GSR: variants seen among roughly 807,000 people sequenced by gnomAD.
GSR encodes glutathione-disulfide reductase, also known as glutathione reductase, mitochondrial.
Under a neutral mutation model 56.5 loss-of-function variants are expected in GSR, and 48 were observed. The ratio of observed to expected loss-of-function variants is 0.85; its 90% CI spans 0.67 to 1.08. The LOEUF is 1.08. GSR is among the 50% of genes least tolerant of loss of function. The probability of loss-of-function intolerance (pLI) is 0.00; values close to 1 mark genes in which losing one functional copy is unlikely to be tolerated. For synonymous variants in GSR, 264 were observed against 270.8 expected (o/e 0.97, Z 0.25); for missense variants, 694 against 703.3 (o/e 0.99, Z 0.15).
rs1172403027 is a variant in GSR, at chr8:30,685,988, A to C, written c.1042-1789T>G. 2.1e-5 allele frequency among the ~76,000 whole-genome samples: 3 copies of C among 139,786 alleles called. No homozygotes were observed. The Admixed American group carries it at 2.3e-4, about 11-fold the overall frequency. 91.7% of individuals were successfully genotyped at this position (139,786 alleles called of 152,430 possible). On this transcript the variant is annotated intron_variant, in intron 9 of 12. Transcript: ENST00000221130. ...GCAACAGAAAGAGACTCTGCCTCAA[A>C]AAAAAAAAAAAAAAAAAAAAAAAAA... is the stretch of plus-strand genomic sequence containing the variant.
intron 9 of GSR, among the ~76,000 whole-genome samples, chr8:30,685,924 T>G (rs1480491036): frequency 7.3e-6 from 1 of 136,706 alleles, no homozygotes; most frequent in Non-Finnish European, 1.5e-5. Context: ...GGGGCGGAGA[T>G]TGCAGTAAGC....
chr8:30,684,034 G>A (rs948591073), intron 10 of GSR, 54 bp downstream of exon 10: 65 of 909,806 alleles, frequency 7.1e-5, no homozygotes, highest in Admixed American at 6.4e-4. Context: ...TGAAGAGCCA[G>A]ATGGATCATG....
At chr8:30,700,454 G>A (rs997073312) in intron 5 of GSR, among the ~76,000 whole-genome samples, 51 of 152,160 alleles carry the variant, frequency 3.4e-4, no homozygotes, top group Admixed American at 3.3e-3. Context: ...GAACCCTGGG[G>A]CTCAGCTCAT....
intron 1 of GSR, among the ~76,000 whole-genome samples, chr8:30,725,183 C>T (rs1804682677): frequency 6.6e-6 from 1 of 152,154 alleles, no homozygotes; most frequent in South Asian, 2.1e-4. Flanking sequence ...TGGCTGATGC[C>T]TGTAATCCCA....
intron 7 of GSR, among the ~76,000 whole-genome samples, chr8:30,695,595 G>C (rs1803519393): frequency 6.6e-6 from 1 of 152,132 alleles, no homozygotes; most frequent in Non-Finnish European, 1.5e-5. Context: ...TTTATGTGTA[G>C]TCCAAGACAA....
chr8:30,696,122 A>G (rs1262449223), intron 7 of GSR, among the ~76,000 whole-genome samples: 1 of 152,212 alleles, frequency 6.6e-6, no homozygotes, highest in East Asian at 1.9e-4. Flanking sequence ...ACGTCTCCCT[A>G]TGAGGGCATC....
At chr8:30,693,749 G>A (rs8191002) in intron 7 of GSR, among the ~76,000 whole-genome samples, 13 of 152,076 alleles carry the variant, frequency 8.5e-5, no homozygotes, top group African/African-American at 3.1e-4. Flanking sequence ...GGCTGGCCTC[G>A]AACTCCTGAC....
At chr8:30,716,447 T>C (rs1468175025) in intron 1 of GSR, among the ~76,000 whole-genome samples, 1 of 152,220 alleles carries the variant, frequency 6.6e-6, no homozygotes. Context: ...TTTCCACTGC[T>C]TTTAGAGGCC....
chr8:30,708,367 A>G lies in GSR; in HGVS notation c.423-226T>C, dbSNP rs2551707. Among the ~76,000 whole-genome samples the G allele has an allele frequency of 0.97, 147,327 of 152,318 alleles. 71,437 individuals are homozygous for G. The highest frequency in any genetic ancestry group is 1 in the South Asian group (4,832 of 4,832). On this transcript the variant is annotated intron_variant, in intron 3 of 12. Coordinates refer to ENST00000221130, the MANE Select transcript of GSR (RefSeq NM_000637.5). Reference sequence around the variant, plus strand: ...GTGGAGAACACACTCAGTTGGCATCATCTTTCTGCGCAGAAGACAAGGAGA... The same window carrying G: ...GTGGAGAACACACTCAGTTGGCATCGTCTTTCTGCGCAGAAGACAAGGAGA...
At chr8:30,700,722 CCAAAAAAAAA>C (rs1803705199) in intron 5 of GSR, among the ~76,000 whole-genome samples, 1 of 8,424 alleles carries the variant, frequency 1.2e-4, no homozygotes, top group African/African-American at 1.7e-4. Flanking sequence ...GATTTTGTCT[CCAAAAAAAAA>C]AAAAAAAAAA....
intron 9 of GSR, 116 bp downstream of exon 9, chr8:30,689,045 A>T (rs1803267253): frequency 3.5e-6 from 3 of 858,468 alleles, no homozygotes; most frequent in Non-Finnish European, 5.8e-6. Context: ...AATACATGGG[A>T]AAAAGAGAAA....
intron 1 of GSR, among the ~76,000 whole-genome samples, chr8:30,725,881 C>G (rs1425379357): frequency 1.7e-5 from 1 of 60,070 alleles, no homozygotes; most frequent in Admixed American, 2.0e-4. Context: ...GACTCCCTCT[C>G]AAAAAAAAAA....
chr8:30,711,231 A>T (rs544132669), intron 2 of GSR, among the ~76,000 whole-genome samples: 81 of 152,352 alleles, frequency 5.3e-4, no homozygotes, highest in Non-Finnish European at 8.8e-4. Flanking sequence ...ATGGAATGTC[A>T]TTAATAAAGG....
chr8:30,727,406 G>T, intron 1 of GSR, 124 bp downstream of exon 1: 2 of 932,548 alleles, frequency 2.1e-6, no homozygotes, highest in Admixed American at 2.4e-5. Context: ...GGGGAGTTGC[G>T]GGGGTGGAAA....
At chr8:30,691,551 C>A (rs938298978) in intron 8 of GSR, among the ~76,000 whole-genome samples, 7 of 149,060 alleles carry the variant, frequency 4.7e-5, no homozygotes, top group Non-Finnish European at 1.0e-4. Flanking sequence ...CATGGTGGTG[C>A]GTGACTGTAA....
Position 30,703,138 on chromosome 8 carries a change from C to A in GSR, c.595G>T (p.Ala199Ser), listed in dbSNP as rs141805635. 6.2e-7 allele frequency: 1 copy of A among 1,613,908 alleles called. No individual in the cohort carries two copies. The highest frequency in any genetic ancestry group is 8.5e-7 in the Non-Finnish European group (1 of 1,179,994). Residue 199 changes from alanine to serine, a missense_variant, in exon 5 of 13, where the codon GCC becomes TCC. Ala to Ser is a moderately conservative substitution (Grantham distance 99, BLOSUM62 1). Transcript: ENST00000221130. Reference protein sequence around the residue: ...KKYTAPHILIATGGMPSTPHE... With the variant: ...KKYTAPHILISTGGMPSTPHE... ...GGGGTGGAGGGCATACCACCTGTGG[C>A]GATCAGGATGTGTGGGGCGGTGTAC...
intron 1 of GSR, among the ~76,000 whole-genome samples, chr8:30,725,881 C>CA (rs59192685): frequency 0.088 from 5,256 of 59,510 alleles, 211 homozygotes; most frequent in South Asian, 0.15. Context: ...GACTCCCTCT[C>CA]AAAAAAAAAA....
At position 30,707,862 on chromosome 8, in the gene GSR, C is replaced by T. The variant is rs8190957; in HGVS notation, c.492+210G>A. Among the ~76,000 whole-genome samples, 133 of 151,782 alleles carry T rather than the reference C, an allele frequency of 8.8e-4. 1 individual carries two copies. In the South Asian group the frequency reaches 0.01, roughly 12 times the overall value. On this transcript the variant is annotated intron_variant, in intron 4 of 12. Coordinates refer to ENST00000221130, the MANE Select transcript of GSR (RefSeq NM_000637.5). ...GTCCCAGCTACTCAGGAGGCTGAGG[C>T]AGGAGAATTGCTTGAACTCAGGAGG...
chr8:30,708,896 G>A (rs572821118), intron 3 of GSR, among the ~76,000 whole-genome samples: 69 of 148,640 alleles, frequency 4.6e-4, no homozygotes, highest in African/African-American at 1.6e-3. Flanking sequence ...TAGGCGGAGC[G>A]TGCAGTGAGC....
Sources: allele counts gnomAD v4.1 joint callset (sites outside exome capture counted in the v4.1 genomes callset), GRCh38; gene constraint gnomAD v4.1.1; transcripts MANE v1.5; gene names NCBI Gene and HGNC (gene_info 2026-07-23, HGNC 2026-07-21).